ADI1: variants seen among roughly 807,000 people sequenced by gnomAD.
ADI1 encodes the protein acireductone dioxygenase 1.
A neutral mutation model predicts 18.7 loss-of-function variants in ADI1; 21 were observed. The ratio of observed to expected loss-of-function variants is 1.13; its 90% confidence interval spans 0.80 to 1.62. The LOEUF is 1.62. Ranked by LOEUF, ADI1 falls within the 40% of genes most tolerant of loss-of-function variation. The probability of loss-of-function intolerance (pLI) is 0.00; values close to 1 mark genes in which losing one functional copy is unlikely to be tolerated. For missense variants in ADI1, 245 were observed against 254.9 expected (o/e 0.96, Z 0.26); for synonymous variants, 90 against 100.1 (o/e 0.90, Z 0.60).
At position 3,497,372 on chromosome 2, in the gene ADI1, T is replaced by C. The variant is rs1666887661; in HGVS notation, c.*1591A>G. 6.6e-6 allele frequency: 1 copy of C among 152,112 alleles called. No homozygotes were observed. Among genetic ancestry groups the C allele is most frequent in the Non-Finnish European group, 1.5e-5 (1 of 68,024 alleles). 9.4% of individuals were successfully genotyped at this position (152,112 alleles called of 1,614,324 possible). A position where few individuals can be genotyped will look rare whatever the true frequency, so the allele number is the denominator to read the frequency against. On this transcript the variant is annotated 3_prime_UTR_variant, in exon 4 of 4. Transcript: ENST00000327435. ...TGTCAAAATTCAAAAACACTGAAAA[T>C]GAGTACATTTTATTGTATATAAATG...
rs1176381557 is a variant in ADI1 at position 3,498,312 on chromosome 2, C to CTTTT, written c.*650_*651insAAAA. The stretch of plus-strand genomic sequence containing the variant: ...TGTGAAAGAATCCAGAGATCTCACA[C>CTTTT]TGAAAAAATACTAACACAGCTCATA... On this transcript the variant is annotated 3_prime_UTR_variant, in exon 4 of 4. Transcript: ENST00000327435. The CTTTT allele has an allele frequency of 6.6e-6, 1 of 152,006 alleles. No individual in the cohort carries two copies. Among genetic ancestry groups the CTTTT allele is most frequent in the Non-Finnish European group, 1.5e-5 (1 of 68,018 alleles). The allele number at this position is 152,006 out of a possible 1,614,324, so 9.4% of individuals were successfully genotyped here.
At chr2:3,508,310 G>A in intron 2 of ADI1, among the ~76,000 whole-genome samples, 1 of 127,444 alleles carries the variant, frequency 7.8e-6, no homozygotes, top group South Asian at 2.6e-4. Context: ...ACTTCAGCCT[G>A]GGCAACAGAG....
rs1205825095 is a variant in ADI1 at position 3,500,837 on chromosome 2, G to A, written c.397C>T (p.His133Tyr). The A allele has an allele frequency of 6.2e-7, 1 of 1,614,098 alleles. No homozygotes were observed. Among genetic ancestry groups the A allele is most frequent in the Non-Finnish European group, 8.5e-7 (1 of 1,180,022 alleles). Reference sequence around the variant, plus strand: ...ACCTTCTCGTCCACCGTGAAGCGGTGATAGATCCCCGCGGGGAGCGTCACC... The same window carrying A: ...ACCTTCTCGTCCACCGTGAAGCGGTAATAGATCCCCGCGGGGAGCGTCACC... Reference protein sequence around the residue: ...DMVTLPAGIYHRFTVDEKNYT... With the variant: ...DMVTLPAGIYYRFTVDEKNYT... Residue 133 changes from histidine to tyrosine, a missense_variant, in exon 3 of 4, where the codon CAC becomes TAC. His to Tyr is a moderately conservative substitution (Grantham distance 83, BLOSUM62 2). Coordinates refer to ENST00000327435, the MANE Select transcript of ADI1 (RefSeq NM_018269.4).
chr2:3,509,073 C>T (rs1184461149), intron 2 of ADI1, among the ~76,000 whole-genome samples: 2 of 151,814 alleles, frequency 1.3e-5, no homozygotes, highest in Non-Finnish European at 2.9e-5. Context: ...ACAGCAAAAT[C>T]ATCAGAGATA....
chr2:3,517,267 CCAAT>C (rs1312874550), intron 1 of ADI1: 4 of 152,176 alleles, frequency 2.6e-5, no homozygotes, highest in Non-Finnish European at 4.4e-5. Context: ...TTGACGTTAA[CCAAT>C]CAGCTTTTCT....
At chr2:3,499,139 G>GCTTT (rs1558423367) in intron 3 of ADI1, 57 bp from the exon 4 acceptor site, 1 of 1,577,576 alleles carries the variant, frequency 6.3e-7, no homozygotes, top group Non-Finnish European at 8.6e-7. Flanking sequence ...CTTCTACTTA[G>GCTTT]TATTTATTAA....
At chr2:3,502,002 C>CAT (rs1491256053) in intron 2 of ADI1, among the ~76,000 whole-genome samples, 44 of 56,354 alleles carry the variant, frequency 7.8e-4, no homozygotes, top group Middle Eastern at 6.6e-3. Context: ...CCTCCCGCTC[C>CAT]ACACACACAC....
intron 2 of ADI1, among the ~76,000 whole-genome samples, chr2:3,510,411 A>G (rs189119940): frequency 1.3e-5 from 2 of 152,310 alleles, no homozygotes; most frequent in African/African-American, 2.4e-5. Flanking sequence ...TAGAAAAAAG[A>G]GCAAATTAAA....
In ADI1 at chr2:3,503,399, TCACACACATG is replaced by T. The variant is rs1229821048; in HGVS notation, c.241-2416_241-2407del. Among the ~76,000 whole-genome samples, 23 of 142,228 alleles carry T rather than the reference TCACACACATG, an allele frequency of 1.6e-4. 2 individuals are homozygous for T. In the East Asian group the frequency reaches 2.7e-3, roughly 17 times the overall value. The allele number at this position is 142,228 out of a possible 152,430, so 93.3% of individuals were successfully genotyped here. ...CATACACACGTACTCACACGCACATTCACACACATGCACACGTACACACACGAGTGCATTC... is the reference window on the plus strand; with the variant it reads ...CATACACACGTACTCACACGCACATTCACACGTACACACACGAGTGCATTC... On this transcript the variant is annotated intron_variant, in intron 2 of 3. Transcript: ENST00000327435.
chr2:3,516,759 T>C, intron 1 of ADI1: 1 of 985,306 alleles, frequency 1.0e-6, no homozygotes, highest in Non-Finnish European at 1.2e-6. Flanking sequence ...TCCAATTGTT[T>C]GTATGTATGA....
chr2:3,508,995 A>AGAAG (rs1474516733), intron 2 of ADI1, among the ~76,000 whole-genome samples: 1 of 123,884 alleles, frequency 8.1e-6, no homozygotes, highest in Non-Finnish European at 1.7e-5. Flanking sequence ...AAGGAAGGAA[A>AGAAG]GAAGGAAGGA....
At chr2:3,517,453 T>A (rs1346883091) in intron 1 of ADI1, 1 of 152,212 alleles carries the variant, frequency 6.6e-6, no homozygotes, top group Non-Finnish European at 1.5e-5. Context: ...CCAACAGCAC[T>A]GATCCAGAAT....
intron 2 of ADI1, among the ~76,000 whole-genome samples, chr2:3,501,598 A>G (rs772916416): frequency 2.5e-4 from 38 of 152,054 alleles, no homozygotes; most frequent in Non-Finnish European, 3.8e-4. Context: ...CAGTGGCACA[A>G]TCTCAGCTCA....
chr2:3,502,729 C>T (rs1667052510), intron 2 of ADI1, among the ~76,000 whole-genome samples: 1 of 152,060 alleles, frequency 6.6e-6, no homozygotes. Flanking sequence ...GGATTACAGG[C>T]GTGAGCCACC....
rs1666925170 is a variant in ADI1, at chr2:3,498,916, AC to A, written c.*46del. 2.5e-6 allele frequency: 4 copies of A among 1,571,746 alleles called. No individual in the cohort carries two copies. The highest frequency in any genetic ancestry group is 3.5e-6 in the Non-Finnish European group (4 of 1,150,986). ...GTGATTGATTTTCTGCTCAGTCATT[AC>A]ATTGGGGACCTTTACGAGGCACGTG... On this transcript the variant is annotated 3_prime_UTR_variant, in exon 4 of 4. Coordinates refer to ENST00000327435, the MANE Select transcript of ADI1 (RefSeq NM_018269.4).
intron 2 of ADI1, among the ~76,000 whole-genome samples, chr2:3,507,482 G>A (rs991771492): frequency 6.6e-6 from 1 of 151,770 alleles, no homozygotes; most frequent in Non-Finnish European, 1.5e-5. Context: ...ACATCAGACC[G>A]TTCCTCAGAA....
chr2:3,509,112 G>A (rs914077138), intron 2 of ADI1, among the ~76,000 whole-genome samples: 15 of 151,972 alleles, frequency 9.9e-5, no homozygotes, highest in African/African-American at 3.6e-4. Flanking sequence ...TAATAAATGG[G>A]TCAATCTTCC....
In ADI1 at chr2:3,513,963, T is replaced by C. The variant is rs775571581; in HGVS notation, c.134A>G (p.Lys45Arg). 5 of 1,607,226 alleles carry C rather than the reference T, an allele frequency of 3.1e-6. No individual in the cohort carries two copies. The highest frequency in any genetic ancestry group is 4.2e-6 in the Non-Finnish European group (5 of 1,178,410). The change falls in exon 2 of 4, where the codon AAA (lysine) becomes AGA (arginine). Residue 45 changes from lysine to arginine, a missense_variant. Lys to Arg is a conservative substitution (Grantham distance 26). Coordinates refer to ENST00000327435, the MANE Select transcript of ADI1 (RefSeq NM_018269.4). ...TTCTAATTCTGGATCATTCTCATAT[T>C]TGTCAGCATCCAGCTAAAAGAGTTA... is the stretch of plus-strand genomic sequence containing the variant. ...GVLYWKLDADKYENDPELEKI... is the reference protein window; with the variant it reads ...GVLYWKLDADRYENDPELEKI...
chr2:3,502,001 C>CCACACA (rs70938947), intron 2 of ADI1, among the ~76,000 whole-genome samples: 115 of 105,032 alleles, frequency 1.1e-3, no homozygotes, highest in South Asian at 3.8e-3. Context: ...ACCTCCCGCT[C>CCACACA]CACACACACA....
Sources: gnomAD v4.1 joint callset for allele counts (sites outside exome capture counted in the v4.1 genomes callset) on GRCh38, gnomAD v4.1.1 for gene constraint, MANE v1.5 for transcripts, NCBI Gene and HGNC (gene_info 2026-07-23, HGNC 2026-07-21) for gene names.